Variants in PAG1 observed in about 807,000 individuals in gnomAD.
The protein encoded by PAG1 is phosphoprotein membrane anchor with glycosphingolipid microdomains 1.
In PAG1, 23 loss-of-function variants were observed where a neutral mutation model predicts 31.7. The observed-to-expected ratio is 0.73, with a 90% CI of 0.52 to 1.03. The LOEUF (loss-of-function observed/expected upper bound fraction) is 1.03, where lower values mean the gene tolerates loss of function less well. Ranked by LOEUF, PAG1 falls within the 50% of genes least tolerant of loss-of-function variation. The pLI, the probability that PAG1 is intolerant of heterozygous loss-of-function variation, is 0.00. For synonymous variants in PAG1, 214 were observed against 210.3 expected (o/e 1.02, Z -0.15); for missense variants, 473 against 540.7 (o/e 0.87, Z 1.24).
At chr8:81,057,253 A>G (rs1808839443) in intron 2 of PAG1, among the ~76,000 whole-genome samples, 1 of 152,216 alleles carries the variant, frequency 6.6e-6, no homozygotes, top group African/African-American at 2.4e-5. Context: ...TCATGCTGTT[A>G]TAAAGACACA....
rs762805846 is a variant in PAG1, at chr8:80,987,476, A to C, written c.178-10T>G. ...TCTCCTTGTCTGAAGGCTGAAAACAAAAACAAAAACAAAAACAAATGCATC... is the reference window on the plus strand; with the variant it reads ...TCTCCTTGTCTGAAGGCTGAAAACACAAACAAAAACAAAAACAAATGCATC... On this transcript the variant is annotated splice_polypyrimidine_tract_variant and intron_variant, in intron 5 of 8. Coordinates refer to ENST00000220597, the MANE Select transcript of PAG1 (RefSeq NM_018440.4). 19 of 1,543,060 alleles carry C rather than the reference A, an allele frequency of 1.2e-5. No homozygotes were observed. The South Asian group carries it at 2.1e-4, about 17-fold the overall frequency.
Position 80,973,595 on chromosome 8 carries a change from C to T in PAG1, c.*2949G>A, listed in dbSNP as rs565634781. The T allele has an allele frequency of 2.1e-4, 32 of 152,198 alleles. 1 individual carries two copies. Among genetic ancestry groups the T allele is most frequent in the Admixed American group, 7.2e-4 (11 of 15,294 alleles). The allele number at this position is 152,198 out of a possible 1,614,324, so 9.4% of individuals were successfully genotyped here. On this transcript the variant is annotated 3_prime_UTR_variant, in exon 9 of 9. Coordinates refer to ENST00000220597, the MANE Select transcript of PAG1 (RefSeq NM_018440.4). ...AAATTTCACATAACCTGCTATAATT[C>T]GCTGTAAAAAATGGATGTCAAAATA...
intron 2 of PAG1, among the ~76,000 whole-genome samples, chr8:81,030,618 T>A (rs1338642493): frequency 6.6e-6 from 1 of 152,254 alleles, no homozygotes; most frequent in Admixed American, 6.5e-5. Flanking sequence ...AGCCCCGAGT[T>A]GTCCCTTCAC....
chr8:80,980,611 C>T, intron 7 of PAG1, 117 bp from the exon 8 acceptor site: 2 of 674,132 alleles, frequency 3.0e-6, no homozygotes, highest in East Asian at 2.6e-5. Flanking sequence ...TTTATGGAAC[C>T]ACGAAGAAAT....
At chr8:81,001,701 C>T (rs781161438) in intron 3 of PAG1, among the ~76,000 whole-genome samples, 2 of 152,172 alleles carry the variant, frequency 1.3e-5, no homozygotes, top group African/African-American at 2.4e-5. Flanking sequence ...GTCCTCATGA[C>T]CCTTTGCGGT....
intron 1 of PAG1, among the ~76,000 whole-genome samples, chr8:81,111,334 C>G (rs1196022405): frequency 6.6e-6 from 1 of 152,166 alleles, no homozygotes; most frequent in East Asian, 1.9e-4. Context: ...AATTAGCACG[C>G]AGCAGTCGAA....
intron 6 of PAG1, among the ~76,000 whole-genome samples, chr8:80,986,853 A>G (rs535633735): frequency 1.7e-4 from 26 of 152,126 alleles, no homozygotes; most frequent in African/African-American, 6.0e-4. Flanking sequence ...GGAGAGGCCA[A>G]TGGATTCTCC....
At position 80,968,345 on chromosome 8, in the gene PAG1, G is replaced by A. The variant is rs567199032; in HGVS notation, c.*8199C>T. 6.6e-6 allele frequency: 1 copy of A among 152,358 alleles called. No individual in the cohort carries two copies. Among genetic ancestry groups the A allele is most frequent in the South Asian group, 2.1e-4 (1 of 4,832 alleles). The allele number at this position is 152,358 out of a possible 1,614,324, so 9.4% of individuals were successfully genotyped here. ...TATGGAGAAACTGAGGCACAGAGAAGTTAAATCATTTGCTCGAGGTCACAT... is the reference window on the plus strand; with the variant it reads ...TATGGAGAAACTGAGGCACAGAGAAATTAAATCATTTGCTCGAGGTCACAT... On this transcript the variant is annotated 3_prime_UTR_variant, in exon 9 of 9. Coordinates refer to ENST00000220597, the MANE Select transcript of PAG1 (RefSeq NM_018440.4).
At chr8:81,105,581 GA>G (rs963052559) in intron 1 of PAG1, among the ~76,000 whole-genome samples, 11 of 152,092 alleles carry the variant, frequency 7.2e-5, no homozygotes, top group African/African-American at 2.2e-4. Flanking sequence ...TTAATGAAAA[GA>G]AAAAAAGTAT....
intron 7 of PAG1, among the ~76,000 whole-genome samples, chr8:80,982,234 T>A (rs896781590): frequency 1.3e-5 from 2 of 152,066 alleles, no homozygotes; most frequent in Admixed American, 6.5e-5. Flanking sequence ...ATTTTTCTCT[T>A]CCTATTCTCT....
chr8:81,008,303 G>A (rs1185373021), intron 3 of PAG1, among the ~76,000 whole-genome samples: 1 of 151,844 alleles, frequency 6.6e-6, no homozygotes, highest in Non-Finnish European at 1.5e-5. Flanking sequence ...AGTGTTTCAG[G>A]AATAAACAAA....
At chr8:81,072,555 T>A (rs1809111424) in intron 1 of PAG1, among the ~76,000 whole-genome samples, 1 of 152,132 alleles carries the variant, frequency 6.6e-6, no homozygotes. Context: ...TAAAACACAA[T>A]AATTTGAGCA....
intron 7 of PAG1, among the ~76,000 whole-genome samples, chr8:80,981,882 T>TTTTG (rs1563615073): frequency 7.6e-6 from 1 of 132,046 alleles, no homozygotes; most frequent in Non-Finnish European, 1.7e-5. Flanking sequence ...TTTTTTTTTT[T>TTTTG]TTTGACAGCG....
At chr8:81,084,016 C>A (rs886888873) in intron 1 of PAG1, among the ~76,000 whole-genome samples, 2 of 150,038 alleles carry the variant, frequency 1.3e-5, no homozygotes, top group Admixed American at 6.6e-5. Flanking sequence ...GCATGGGCAA[C>A]AGAGCGAGAC....
intron 1 of PAG1, among the ~76,000 whole-genome samples, chr8:81,094,424 C>T (rs1809494385): frequency 6.6e-6 from 1 of 152,164 alleles, no homozygotes; most frequent in South Asian, 2.1e-4. Flanking sequence ...ATTTTTGCAA[C>T]TCTTGGTTCA....
chr8:81,029,296 G>C (rs1808336341), intron 3 of PAG1, among the ~76,000 whole-genome samples: 1 of 151,898 alleles, frequency 6.6e-6, no homozygotes, highest in Non-Finnish European at 1.5e-5. Flanking sequence ...AAAGCGCCTA[G>C]AGTTACTCCT....
intron 2 of PAG1, among the ~76,000 whole-genome samples, chr8:81,068,276 A>T (rs1809039532): frequency 6.6e-6 from 1 of 152,236 alleles, no homozygotes; most frequent in South Asian, 2.1e-4. Flanking sequence ...GCACATTGGA[A>T]GCCTGAAAAT....
chr8:81,111,382 C>T (rs752740740), intron 1 of PAG1, among the ~76,000 whole-genome samples: 3 of 152,154 alleles, frequency 2.0e-5, no homozygotes, highest in Non-Finnish European at 4.4e-5. Flanking sequence ...AGCATATTTC[C>T]AACTGGCACA....
At chr8:80,991,429 T>C (rs1476423455) in intron 5 of PAG1, 50 bp downstream of exon 5, 4 of 1,425,846 alleles carry the variant, frequency 2.8e-6, no homozygotes, top group East Asian at 2.3e-5. Context: ...AAGTAGCTGA[T>C]GTTCTGGAGC....
Sources: allele counts gnomAD v4.1 joint callset (sites outside exome capture counted in the v4.1 genomes callset), GRCh38; gene constraint gnomAD v4.1.1; transcripts MANE v1.5; gene names NCBI Gene and HGNC (gene_info 2026-07-23, HGNC 2026-07-21).